BICC1: variants seen among roughly 807,000 people sequenced by gnomAD.
BICC1 encodes the protein protein bicaudal C homolog 1.
A neutral mutation model predicts 111.0 loss-of-function variants in BICC1; 43 were observed. The ratio of observed to expected loss-of-function variants is 0.39; its 90% CI spans 0.30 to 0.50. BICC1 has a LOEUF of 0.50. BICC1 is among the 20% of genes least tolerant of loss of function. The pLI is 0.88. For missense variants in BICC1, 1,091 were observed against 1,203.2 expected, an observed-to-expected ratio of 0.91 and a Z score of 1.38; for synonymous variants, 467 against 434.4, an observed-to-expected ratio of 1.07 and a Z score of -0.93.
At chr10:58,513,436 GC>G in intron 1 of BICC1, 103 bp downstream of exon 1, 5 of 1,181,914 alleles carry the variant, frequency 4.2e-6, no homozygotes, top group Non-Finnish European at 5.8e-6. Context: ...CCTACGGCCG[GC>G]CGGTTTAGCT....
intron 1 of BICC1, among the ~76,000 whole-genome samples, chr10:58,538,438 T>A (rs1842879366): frequency 6.6e-6 from 1 of 151,982 alleles, no homozygotes; most frequent in Non-Finnish European, 1.5e-5. Flanking sequence ...AGAATGAAAC[T>A]GGATTCCTAC....
intron 17 of BICC1, among the ~76,000 whole-genome samples, chr10:58,809,721 T>G (rs1564626945): frequency 6.6e-6 from 1 of 152,250 alleles, no homozygotes; most frequent in Non-Finnish European, 1.5e-5. Context: ...TAGGGTATTA[T>G]GTGAACACAT....
chr10:58,681,399 T>C (rs532396542), intron 2 of BICC1, among the ~76,000 whole-genome samples: 1 of 152,072 alleles, frequency 6.6e-6, no homozygotes, highest in East Asian at 1.9e-4. Flanking sequence ...AACAGACATA[T>C]GAAAAAAGCT....
chr10:58,564,711 TA>T (rs1564489810), intron 1 of BICC1, among the ~76,000 whole-genome samples: 4 of 152,202 alleles, frequency 2.6e-5, no homozygotes, highest in Non-Finnish European at 5.9e-5. Flanking sequence ...CACAGCTTTA[TA>T]AAAAGAGGCT....
intron 3 of BICC1, among the ~76,000 whole-genome samples, chr10:58,761,832 A>G (rs1344716280): frequency 1.3e-5 from 2 of 152,280 alleles, no homozygotes; most frequent in African/African-American, 4.8e-5. Context: ...CTATGAACAC[A>G]TTTCAGGAGC....
intron 1 of BICC1, among the ~76,000 whole-genome samples, chr10:58,596,609 G>A (rs1844822558): frequency 6.6e-6 from 1 of 152,186 alleles, no homozygotes; most frequent in African/African-American, 2.4e-5. Context: ...AAGAGAGGAA[G>A]TCAAATTGTC....
intron 1 of BICC1, among the ~76,000 whole-genome samples, chr10:58,515,738 TA>T (rs2132492908): frequency 6.6e-6 from 1 of 152,288 alleles, no homozygotes; most frequent in African/African-American, 2.4e-5. Flanking sequence ...TGCCCATCTG[TA>T]AAATGGAGCT....
At chr10:58,602,902 C>T (rs1424382330) in intron 1 of BICC1, among the ~76,000 whole-genome samples, 1 of 152,116 alleles carries the variant, frequency 6.6e-6, no homozygotes, top group Non-Finnish European at 1.5e-5. Flanking sequence ...CTCCGTAAAC[C>T]TCTGGATTAT....
intron 2 of BICC1, among the ~76,000 whole-genome samples, chr10:58,681,273 A>T (rs1489005023): frequency 6.6e-6 from 1 of 152,214 alleles, no homozygotes; most frequent in African/African-American, 2.4e-5. Flanking sequence ...TATCCATCTG[A>T]CAAAGGCCTA....
At chr10:58,714,050 G>A (rs779617477) in intron 3 of BICC1, among the ~76,000 whole-genome samples, 4 of 152,144 alleles carry the variant, frequency 2.6e-5, no homozygotes, top group African/African-American at 7.2e-5. Context: ...GCCGAGGGCC[G>A]CTGCTAAACA....
intron 1 of BICC1, among the ~76,000 whole-genome samples, chr10:58,578,762 C>T (rs1262115178): frequency 6.6e-6 from 1 of 152,072 alleles, no homozygotes; most frequent in Non-Finnish European, 1.5e-5. Context: ...CAGAGAGAAA[C>T]ACCATAACCC....
intron 2 of BICC1, among the ~76,000 whole-genome samples, chr10:58,676,069 AGTGAGGGATG>A (rs1157273241): frequency 2.6e-5 from 4 of 152,166 alleles, no homozygotes; most frequent in African/African-American, 4.8e-5. Context: ...GGAAGCTATG[AGTGAGGGATG>A]GTGCTATCTG....
At chr10:58,556,714 C>T (rs568635998) in intron 1 of BICC1, among the ~76,000 whole-genome samples, 3 of 152,010 alleles carry the variant, frequency 2.0e-5, no homozygotes, top group African/African-American at 7.2e-5. Context: ...AAGAAGAAAA[C>T]AATCTTAAAT....
intron 2 of BICC1, among the ~76,000 whole-genome samples, chr10:58,693,107 G>A (rs1018454720): frequency 4.6e-5 from 7 of 152,056 alleles, no homozygotes; most frequent in East Asian, 3.9e-4. Context: ...GAGAACATGC[G>A]GTGTTTGGTT....
chr10:58,558,922 C>T (rs1033881667), intron 1 of BICC1, among the ~76,000 whole-genome samples: 1 of 152,038 alleles, frequency 6.6e-6, no homozygotes, highest in Non-Finnish European at 1.5e-5. Flanking sequence ...TCTTTCCTTA[C>T]ACTTTAATCA....
At chr10:58,584,606 A>G (rs981391762) in intron 1 of BICC1, among the ~76,000 whole-genome samples, 2 of 152,138 alleles carry the variant, frequency 1.3e-5, no homozygotes, top group Non-Finnish European at 2.9e-5. Context: ...TTACACAGAA[A>G]GGTTCGTGAG....
chr10:58,711,357 G>A (rs1035912439), intron 3 of BICC1, among the ~76,000 whole-genome samples: 8 of 152,134 alleles, frequency 5.3e-5, no homozygotes, highest in Admixed American at 2.6e-4. Context: ...GAAGATCCCA[G>A]TATACTTCAA....
At chr10:58,713,534 A>G (rs1215053656) in intron 3 of BICC1, among the ~76,000 whole-genome samples, 1 of 152,236 alleles carries the variant, frequency 6.6e-6, no homozygotes, top group African/African-American at 2.4e-5. Flanking sequence ...AATTTGTTGA[A>G]GGCCAGTGAA....
At chr10:58,611,048 T>C (rs1845401420) in intron 1 of BICC1, among the ~76,000 whole-genome samples, 1 of 152,236 alleles carries the variant, frequency 6.6e-6, no homozygotes, top group African/African-American at 2.4e-5. Flanking sequence ...TTAGTCATTG[T>C]GTCTCCTTAG....
Sources: allele counts gnomAD v4.1 joint callset (sites outside exome capture counted in the v4.1 genomes callset), GRCh38; gene constraint gnomAD v4.1.1; transcripts MANE v1.5; gene names NCBI Gene and HGNC (gene_info 2026-07-23, HGNC 2026-07-21).